Variants in PDE3A observed in about 807,000 individuals in gnomAD.
PDE3A encodes the protein cGMP-inhibited 3',5'-cyclic phosphodiesterase 3A.
PDE3A carries 43 observed loss-of-function variants against 98.3 expected under a neutral mutation model. The observed-to-expected ratio is 0.44, with a 90% CI of 0.34 to 0.56. The LOEUF (loss-of-function observed/expected upper bound fraction) is 0.56. Ranked by LOEUF, PDE3A falls within the 20% of genes least tolerant of loss-of-function variation. The pLI, the probability that PDE3A is intolerant of heterozygous loss-of-function variation, is 0.01. For synonymous variants in PDE3A, 663 were observed against 567.9 expected (o/e 1.17, Z -2.38); for missense variants, 1,427 against 1,440.7 (o/e 0.99, Z 0.15).
chr12:20,451,653 G>A (rs1945068227), intron 1 of PDE3A, among the ~76,000 whole-genome samples: 2 of 152,148 alleles, frequency 1.3e-5, no homozygotes, highest in Non-Finnish European at 2.9e-5. Context: ...AAGGACCAGT[G>A]ACTTTTTTGA....
At chr12:20,639,733 T>C (rs1485332768) in intron 9 of PDE3A, 113 bp from the exon 10 acceptor site, 3 of 559,564 alleles carry the variant, frequency 5.4e-6, no homozygotes, top group Non-Finnish European at 6.5e-6. Flanking sequence ...CTTCAGATTT[T>C]GAAAAGGCAT....
intron 1 of PDE3A, among the ~76,000 whole-genome samples, chr12:20,418,395 T>G (rs1944457294): frequency 6.6e-6 from 1 of 152,188 alleles, no homozygotes; most frequent in Admixed American, 6.5e-5. Context: ...GTGCTCAGTT[T>G]GTGGCCTGAC....
chr12:20,460,474 A>G (rs76621965), intron 1 of PDE3A, among the ~76,000 whole-genome samples: 6,101 of 152,302 alleles, frequency 0.04, 167 homozygotes, highest in Middle Eastern at 0.065. Flanking sequence ...AGAAAGATAT[A>G]TGTGCTTTTC....
rs147222953 is a variant in PDE3A at position 20,613,678 on chromosome 12, A to G, written c.1247A>G (p.Lys416Arg). 4 of 1,613,846 alleles carry G rather than the reference A, an allele frequency of 2.5e-6. No individual in the cohort carries two copies. The African/African-American group carries it at 4.0e-5, about 16-fold the overall frequency. Residue 416 changes from lysine (K) to arginine (R), a missense_variant, in exon 3 of 16, where the codon AAA becomes AGA. Coordinates refer to ENST00000359062, the MANE Select transcript of PDE3A (RefSeq NM_000921.5). ...TCTGACTCTGAAGAGAGCTCTGAAA[A>G]AGACAAGCTTGCTATTCCAAAGGTA... ...TCSDSEESSE[K>R]DKLAIPKRLR... is the part of the protein sequence containing the mutation.
chr12:20,483,231 A>G (rs1257533209), intron 1 of PDE3A, among the ~76,000 whole-genome samples: 1 of 152,156 alleles, frequency 6.6e-6, no homozygotes, highest in Non-Finnish European at 1.5e-5. Flanking sequence ...TCTACTAAAA[A>G]TACAAAAATT....
At position 20,391,791 on chromosome 12, in the gene PDE3A, C is replaced by T. The variant is rs1347720297; in HGVS notation, c.960+21547C>T. On this transcript the variant is annotated intron_variant, in intron 1 of 15. Transcript: ENST00000359062. ...TTGTTCTCCCCTTTTCCCCTCCTCT[C>T]TGTTTAGATATGGTCTTTTGAAATT... Among the ~76,000 whole-genome samples, 3 of 151,862 alleles carry T rather than the reference C, an allele frequency of 2.0e-5. No homozygotes were observed. In the East Asian group the frequency reaches 5.8e-4, roughly 29 times the overall value.
chr12:20,439,083 C>G (rs1944825574), intron 1 of PDE3A, among the ~76,000 whole-genome samples: 1 of 152,116 alleles, frequency 6.6e-6, no homozygotes, highest in African/African-American at 2.4e-5. Flanking sequence ...GTGTGAGTCA[C>G]TGTGCCTGAC....
At chr12:20,417,206 A>G (rs1944434946) in intron 1 of PDE3A, among the ~76,000 whole-genome samples, 1 of 152,194 alleles carries the variant, frequency 6.6e-6, no homozygotes, top group South Asian at 2.1e-4. Flanking sequence ...ATTATGTGGC[A>G]TGCCTTAATT....
chr12:20,593,811 A>G (rs1007287082), intron 2 of PDE3A, among the ~76,000 whole-genome samples: 3 of 152,156 alleles, frequency 2.0e-5, no homozygotes, highest in African/African-American at 7.2e-5. Context: ...AGGAGTGGTC[A>G]GTGTTGGAAC....
At chr12:20,448,751 G>GTTTT (rs1265923346) in intron 1 of PDE3A, among the ~76,000 whole-genome samples, 12 of 134,376 alleles carry the variant, frequency 8.9e-5, no homozygotes, top group Non-Finnish European at 1.1e-4. Context: ...TTTATTTTAA[G>GTTTT]GTTTTTTTTT....
At chr12:20,448,648 A>G (rs1284244481) in intron 1 of PDE3A, among the ~76,000 whole-genome samples, 5 of 152,056 alleles carry the variant, frequency 3.3e-5, no homozygotes, top group Non-Finnish European at 5.9e-5. Flanking sequence ...GCACTTACCT[A>G]CGTAATTTCT....
chr12:20,565,262 C>A (rs1282881118), intron 2 of PDE3A, among the ~76,000 whole-genome samples: 2 of 151,964 alleles, frequency 1.3e-5, no homozygotes, highest in African/African-American at 4.8e-5. Flanking sequence ...GAAAAATATG[C>A]TAACTTGATA....
intron 1 of PDE3A, among the ~76,000 whole-genome samples, chr12:20,524,900 TGAGGCGGGTGGATC>T (rs1946487297): frequency 6.6e-6 from 1 of 152,040 alleles, no homozygotes; most frequent in Non-Finnish European, 1.5e-5. Flanking sequence ...TTTGGGAGAC[TGAGGCGGGTGGATC>T]ACCTGAGGTT....
At chr12:20,385,829 A>G (rs913157202) in intron 1 of PDE3A, among the ~76,000 whole-genome samples, 1 of 149,302 alleles carries the variant, frequency 6.7e-6, no homozygotes, top group Non-Finnish European at 1.5e-5. Context: ...TAGGAGATAT[A>G]CCTAATGTAA....
In PDE3A at chr12:20,481,764, A is replaced by ATTTTTTTTTTTTTTTTTTTTTTTTTTTTT. The variant is rs10657239; in HGVS notation, c.961-74874_961-74873insTTTTTTTTTTTTTTTTTTTTTTTTTTTTT. On this transcript the variant is annotated intron_variant, in intron 1 of 15. Transcript: ENST00000359062. The stretch of plus-strand genomic sequence containing the variant: ...TCCATGTAAGTGACTTGGGAAATAG[A>ATTTTTTTTTTTTTTTTTTTTTTTTTTTTT]TTTTTTTTTTTTTTTTTTTTTTGAG... 3.8e-5 allele frequency among the ~76,000 whole-genome samples: 3 copies of ATTTTTTTTTTTTTTTTTTTTTTTTTTTTT among 79,584 alleles called. 1 individual carries two copies. Among genetic ancestry groups the ATTTTTTTTTTTTTTTTTTTTTTTTTTTTT allele is most frequent in the African/African-American group, 1.6e-4 (3 of 19,296 alleles). 52.2% of individuals were successfully genotyped at this position (79,584 alleles called of 152,430 possible). A position where few individuals can be genotyped will look rare whatever the true frequency, so the allele number is the denominator to read the frequency against.
At chr12:20,511,221 C>T (rs1410115123) in intron 1 of PDE3A, among the ~76,000 whole-genome samples, 2 of 152,020 alleles carry the variant, frequency 1.3e-5, no homozygotes, top group Non-Finnish European at 2.9e-5. Flanking sequence ...TTTCCTTGCT[C>T]CGCATACTGC....
intron 4 of PDE3A, among the ~76,000 whole-genome samples, chr12:20,617,226 G>A (rs572406934): frequency 6.6e-6 from 1 of 151,984 alleles, no homozygotes; most frequent in East Asian, 1.9e-4. Flanking sequence ...CGTTAGCCTG[G>A]GATATAAATA....
At chr12:20,609,863 G>A (rs1014745902) in intron 2 of PDE3A, among the ~76,000 whole-genome samples, 10 of 151,950 alleles carry the variant, frequency 6.6e-5, no homozygotes, top group African/African-American at 2.2e-4. Flanking sequence ...GAATGAAATC[G>A]TATGTTTATC....
intron 1 of PDE3A, among the ~76,000 whole-genome samples, chr12:20,438,582 A>T (rs1944816430): frequency 1.3e-5 from 2 of 152,130 alleles, no homozygotes; most frequent in African/African-American, 4.8e-5. Context: ...TGTTGGAGTG[A>T]TTTAGCTTTC....
Sources: gnomAD v4.1 joint callset for allele counts (sites outside exome capture counted in the v4.1 genomes callset) on GRCh38, gnomAD v4.1.1 for gene constraint, MANE v1.5 for transcripts, NCBI Gene and HGNC (gene_info 2026-07-23, HGNC 2026-07-21) for gene names.